NIN: variants seen among roughly 807,000 people sequenced by gnomAD.
The protein encoded by NIN is ninein, also known as glycogen synthase kinase 3 beta-interacting protein.
Under a neutral mutation model 257.6 loss-of-function variants are expected in NIN, and 137 were observed. The ratio of observed to expected loss-of-function variants is 0.53; its 90% CI spans 0.46 to 0.61. The LOEUF is 0.61. Among genes scored for constraint, NIN ranks in the 20% least tolerant of loss-of-function variants. The pLI is 0.00. For synonymous variants in NIN, 918 were observed against 919.8 expected (o/e 1.00, Z 0.04); for missense variants, 2,439 against 2,501.2 (o/e 0.98, Z 0.53).
At chr14:50,770,823 G>T (rs750616894) in intron 11 of NIN, 29 bp downstream of exon 11, 2 of 1,602,184 alleles carry the variant, frequency 1.2e-6, no homozygotes, top group Admixed American at 1.7e-5. Context: ...GGTGGTGGGT[G>T]AGGAGGAGCC....
intron 7 of NIN, among the ~76,000 whole-genome samples, chr14:50,773,912 G>A (rs1453604592): frequency 6.6e-6 from 1 of 152,174 alleles, no homozygotes; most frequent in Non-Finnish European, 1.5e-5. Flanking sequence ...ATAGAGCAAC[G>A]TGGATCATTG....
intron 5 of NIN, among the ~76,000 whole-genome samples, chr14:50,783,665 G>C (rs766329586): frequency 3.3e-5 from 5 of 151,956 alleles, no homozygotes; most frequent in Non-Finnish European, 7.4e-5. Context: ...GTGGGTGGGG[G>C]AAGATTCAAT....
chr14:50,790,856 T>C (rs908153016), intron 5 of NIN, among the ~76,000 whole-genome samples: 7 of 152,206 alleles, frequency 4.6e-5, no homozygotes, highest in African/African-American at 7.2e-5. Context: ...ACTTTAAAAA[T>C]AGTAAATCTC....
intron 25 of NIN, 122 bp downstream of exon 25, chr14:50,741,460 G>T: frequency 1.3e-6 from 1 of 753,742 alleles, no homozygotes; most frequent in Non-Finnish European, 2.1e-6. Context: ...TACAAACACA[G>T]ATACATAAAA....
At chr14:50,737,622 C>G (rs913870464) in intron 27 of NIN, among the ~76,000 whole-genome samples, 2 of 146,118 alleles carry the variant, frequency 1.4e-5, no homozygotes, top group Admixed American at 6.9e-5. Context: ...CTTTAAGAAG[C>G]TTAAATTGTG....
At chr14:50,724,813 C>T (rs186459374) in intron 30 of NIN, among the ~76,000 whole-genome samples, 1 of 152,134 alleles carries the variant, frequency 6.6e-6, no homozygotes, top group East Asian at 1.9e-4. Context: ...TAGTTGAAAT[C>T]TTAACTCTCA....
At chr14:50,727,426 C>A in intron 29 of NIN, 1 of 1,093,052 alleles carries the variant, frequency 9.1e-7, no homozygotes, top group African/African-American at 1.6e-5. Context: ...AATCTTAAAT[C>A]CACACTCTTT....
chr14:50,768,052 AACACACACACACAC>A (rs61028485), intron 12 of NIN, among the ~76,000 whole-genome samples: 39 of 138,996 alleles, frequency 2.8e-4, no homozygotes, highest in South Asian at 1.0e-3. Context: ...CACATTTGCC[AACACACACACACAC>A]ACACACACAC....
chr14:50,788,077 T>C (rs1403580342), intron 5 of NIN, among the ~76,000 whole-genome samples: 2 of 152,170 alleles, frequency 1.3e-5, no homozygotes, highest in African/African-American at 2.4e-5. Flanking sequence ...GATGTAAACA[T>C]GTAAACATGT....
intron 29 of NIN, chr14:50,727,185 CAT>C: frequency 1.3e-6 from 1 of 776,346 alleles, no homozygotes; most frequent in Middle Eastern, 6.3e-4. Context: ...ATTCAAAGAA[CAT>C]AGAGTTGGCA....
chr14:50,770,755 A>G, intron 11 of NIN, 97 bp downstream of exon 11: 1 of 1,446,670 alleles, frequency 6.9e-7, no homozygotes, highest in South Asian at 1.4e-5. Context: ...GCTGACCAGA[A>G]GAGTCCCCAG....
chr14:50,764,957 G>T (rs1427431505), intron 14 of NIN, among the ~76,000 whole-genome samples: 1 of 148,384 alleles, frequency 6.7e-6, no homozygotes, highest in African/African-American at 2.5e-5. Context: ...AACATATAGT[G>T]TATAAAGCTG....
chr14:50,771,663 C>T (rs1451310522), intron 9 of NIN, among the ~76,000 whole-genome samples, 195 bp from the exon 10 acceptor site: 1 of 151,148 alleles, frequency 6.6e-6, no homozygotes, highest in African/African-American at 2.4e-5. Context: ...GAAAGCATAA[C>T]ATGGTTATTT....
chr14:50,761,641 G>C (rs2042278675), intron 16 of NIN, 149 bp downstream of exon 16: 1 of 735,730 alleles, frequency 1.4e-6, no homozygotes, highest in African/African-American at 1.8e-5. Flanking sequence ...AAGGGGCCTT[G>C]CTGTCAGCCT....
intron 4 of NIN, among the ~76,000 whole-genome samples, chr14:50,798,573 G>A (rs771038767): frequency 6.6e-5 from 10 of 152,180 alleles, no homozygotes; most frequent in Admixed American, 1.3e-4. Context: ...CTTTTCATAG[G>A]AGGATCAACC....
chr14:50,761,705 G>C (rs954939097), intron 16 of NIN, 85 bp downstream of exon 16: 1 of 1,506,926 alleles, frequency 6.6e-7, no homozygotes, highest in Non-Finnish European at 9.1e-7. Flanking sequence ...TGCTCTATGA[G>C]AAAAAAGAAT....
intron 4 of NIN, chr14:50,794,471 T>C (rs536977522): frequency 1.0e-6 from 1 of 999,424 alleles, no homozygotes; most frequent in Non-Finnish European, 1.2e-6. Context: ...CTTGTGACCA[T>C]TCAGGAGCGG....
chr14:50,731,107 G>A (rs897783232), intron 28 of NIN: 1 of 315,950 alleles, frequency 3.2e-6, no homozygotes, highest in Non-Finnish European at 6.2e-6. Flanking sequence ...ATGAATAAGA[G>A]CATATGAAAG....
chr14:50,737,250 G>A (rs376216006), intron 27 of NIN, among the ~76,000 whole-genome samples: 2 of 152,110 alleles, frequency 1.3e-5, no homozygotes, highest in South Asian at 2.1e-4. Flanking sequence ...AAAGGCCCAG[G>A]TAGTGAAGAG....
Sources: gnomAD v4.1 joint callset for allele counts (sites outside exome capture counted in the v4.1 genomes callset) on GRCh38, gnomAD v4.1.1 for gene constraint, MANE v1.5 for transcripts, NCBI Gene and HGNC (gene_info 2026-07-23, HGNC 2026-07-21) for gene names.